The following CNTLN variants were observed in gnomAD, a reference collection of about 807,000 sequenced individuals.
CNTLN encodes the protein centlein, centrosomal protein.
In CNTLN, 212 loss-of-function variants were observed where a neutral mutation model predicts 180.0. The observed-to-expected ratio is 1.18, with a 90% CI of 1.05 to 1.32. The LOEUF (loss-of-function observed/expected upper bound fraction) is 1.32. CNTLN is among the 40% of genes most tolerant of loss of function. CNTLN has a pLI of 0.00. For synonymous variants in CNTLN, 722 were observed against 563.1 expected (o/e 1.28, Z -3.99); for missense variants, 2,095 against 1,610.9 (o/e 1.30, Z -5.14).
At chr9:17,390,807 T>C (rs1019234162) in intron 14 of CNTLN, among the ~76,000 whole-genome samples, 6 of 152,206 alleles carry the variant, frequency 3.9e-5, no homozygotes, top group Non-Finnish European at 8.8e-5. Flanking sequence ...TGTCTCTGTT[T>C]TGTTATTTGT....
At chr9:17,350,939 T>C (rs1822310981) in intron 12 of CNTLN, among the ~76,000 whole-genome samples, 1 of 152,226 alleles carries the variant, frequency 6.6e-6, no homozygotes, top group Non-Finnish European at 1.5e-5. Context: ...TGAGAGGACG[T>C]AATTAAGTTC....
chr9:17,349,988 C>G (rs902206614), intron 12 of CNTLN, among the ~76,000 whole-genome samples: 4 of 152,178 alleles, frequency 2.6e-5, no homozygotes, highest in Non-Finnish European at 5.9e-5. Flanking sequence ...GGCAAGCTTT[C>G]AGAAATGCCA....
At chr9:17,244,830 C>T (rs1203339892) in intron 5 of CNTLN, among the ~76,000 whole-genome samples, 1 of 151,804 alleles carries the variant, frequency 6.6e-6, no homozygotes, top group Admixed American at 6.6e-5. Flanking sequence ...TTGAGGTTAC[C>T]ATGAGGCTTG....
chr9:17,178,653 C>A (rs909304943), intron 2 of CNTLN, among the ~76,000 whole-genome samples: 1 of 151,544 alleles, frequency 6.6e-6, no homozygotes, highest in Non-Finnish European at 1.5e-5. Flanking sequence ...CTGCCCGGGG[C>A]CTGCCGGCTG....
intron 3 of CNTLN, among the ~76,000 whole-genome samples, chr9:17,232,290 TAAAC>T (rs1341678977): frequency 6.6e-6 from 1 of 152,054 alleles, no homozygotes; most frequent in Non-Finnish European, 1.5e-5. Context: ...AATTTAATAT[TAAAC>T]TAATTATCGG....
intron 23 of CNTLN, among the ~76,000 whole-genome samples, chr9:17,476,588 A>G (rs145466811): frequency 0.013 from 1,944 of 152,342 alleles, 13 homozygotes; most frequent in Non-Finnish European, 0.02. Flanking sequence ...AAACAGCCTT[A>G]TTGCTGATAC....
At chr9:17,232,925 G>A (rs934986257) in intron 3 of CNTLN, among the ~76,000 whole-genome samples, 1 of 151,900 alleles carries the variant, frequency 6.6e-6, no homozygotes, top group African/African-American at 2.4e-5. Context: ...CCATTTTTAT[G>A]CATCTATTTT....
intron 25 of CNTLN, among the ~76,000 whole-genome samples, chr9:17,494,119 C>A (rs1044049877): frequency 1.3e-5 from 2 of 152,142 alleles, no homozygotes; most frequent in South Asian, 2.1e-4. Flanking sequence ...CCGTTTGAGG[C>A]CTGGGGAAAA....
intron 23 of CNTLN, among the ~76,000 whole-genome samples, chr9:17,472,109 G>A (rs549284659): frequency 6.6e-6 from 1 of 152,116 alleles, no homozygotes; most frequent in South Asian, 2.1e-4. Flanking sequence ...TCAATGCATT[G>A]GAATTGAAGG....
chr9:17,376,551 A>C (rs1333122000), intron 13 of CNTLN, among the ~76,000 whole-genome samples: 1 of 151,348 alleles, frequency 6.6e-6, no homozygotes, highest in Non-Finnish European at 1.5e-5. Context: ...TCCCGGGTTC[A>C]CGCCGTTCTC....
chr9:17,490,985 C>G (rs1425090441), intron 25 of CNTLN, among the ~76,000 whole-genome samples: 1 of 151,900 alleles, frequency 6.6e-6, no homozygotes, highest in East Asian at 1.9e-4. Context: ...AGATGTACTA[C>G]CTTTATATTC....
intron 13 of CNTLN, among the ~76,000 whole-genome samples, chr9:17,372,150 T>C (rs1824374156): frequency 6.6e-6 from 1 of 151,820 alleles, no homozygotes. Flanking sequence ...AATAAAACAA[T>C]ATGAAAAAAT....
chr9:17,259,434 CTCT>C (rs1826774471), intron 5 of CNTLN, among the ~76,000 whole-genome samples: 1 of 143,556 alleles, frequency 7.0e-6, no homozygotes, highest in South Asian at 2.4e-4. Context: ...GTCTAAAATT[CTCT>C]TTTTTTGTTG....
At chr9:17,369,667 G>A (rs1668420259) in intron 13 of CNTLN, among the ~76,000 whole-genome samples, 1 of 151,594 alleles carries the variant, frequency 6.6e-6, no homozygotes, top group South Asian at 2.1e-4. Context: ...GAAGGAATTA[G>A]TGAGCTTGAA....
intron 13 of CNTLN, among the ~76,000 whole-genome samples, chr9:17,367,271 C>T (rs1027270172): frequency 2.0e-5 from 3 of 152,204 alleles, no homozygotes; most frequent in African/African-American, 7.2e-5. Flanking sequence ...GGGCCAAATG[C>T]ATCTCATGCC....
chr9:17,502,667 G>A lies in CNTLN; in HGVS notation c.*15G>A, dbSNP rs543449916. The A allele has an allele frequency of 6.6e-5, 70 of 1,064,922 alleles. No homozygotes were observed. Among genetic ancestry groups the A allele is most frequent in the South Asian group, 2.3e-4 (14 of 60,116 alleles). The allele number at this position is 1,064,922 out of a possible 1,614,324, so 66.0% of individuals were successfully genotyped here. On this transcript the variant is annotated 3_prime_UTR_variant, in exon 26 of 26. Transcript: ENST00000380647. Reference sequence around the variant, plus strand: ...ATATTAGATGATATTAAAATGGAGAGCTTTATTGCAAATGTGAAAACTTTT... The same window carrying A: ...ATATTAGATGATATTAAAATGGAGAACTTTATTGCAAATGTGAAAACTTTT...
intron 2 of CNTLN, among the ~76,000 whole-genome samples, chr9:17,211,219 A>T (rs1274627866): frequency 6.6e-6 from 1 of 152,026 alleles, no homozygotes; most frequent in Non-Finnish European, 1.5e-5. Context: ...ATCCCTCTTG[A>T]ATTAATTTTA....
rs1273011614 is a variant in CNTLN, at chr9:17,338,159, CTTTTTCTTTCTTTT to C, written c.1645-2662_1645-2649del. ...TTCCTTCCTTCCTTCTTCTTTCTTT[CTTTTTCTTTCTTTT>C]TTTTTTGACAGAGTGTCTCTCTGTC... On this transcript the variant is annotated intron_variant, in intron 10 of 25. Coordinates refer to ENST00000380647, the MANE Select transcript of CNTLN (RefSeq NM_017738.4). Among the ~76,000 whole-genome samples, 4 of 147,132 alleles carry C rather than the reference CTTTTTCTTTCTTTT, an allele frequency of 2.7e-5. No individual in the cohort carries two copies. The East Asian group carries it at 6.0e-4, about 22-fold the overall frequency.
intron 14 of CNTLN, among the ~76,000 whole-genome samples, chr9:17,394,326 T>G (rs913355303): frequency 6.6e-6 from 1 of 152,168 alleles, no homozygotes; most frequent in Admixed American, 6.6e-5. Flanking sequence ...TTACCTTCTT[T>G]TACCATCTGT....
Sources: allele counts gnomAD v4.1 joint callset (sites outside exome capture counted in the v4.1 genomes callset), GRCh38; gene constraint gnomAD v4.1.1; transcripts MANE v1.5; gene names NCBI Gene and HGNC (gene_info 2026-07-23, HGNC 2026-07-21).